NR1D2: variants seen among roughly 807,000 people sequenced by gnomAD.
The protein encoded by NR1D2 is nuclear receptor subfamily 1 group D member 2, also known as V-erbA-related protein 1-related.
A neutral mutation model predicts 52.2 loss-of-function variants in NR1D2; 25 were observed. The ratio of observed to expected loss-of-function variants is 0.48; its 90% CI spans 0.35 to 0.67. NR1D2 has a LOEUF of 0.67. Among genes scored for constraint, NR1D2 ranks in the 30% least tolerant of loss-of-function variants. The probability of loss-of-function intolerance (pLI) is 0.01; values close to 1 mark genes in which losing one functional copy is unlikely to be tolerated. For synonymous variants in NR1D2, 259 were observed against 230.1 expected (o/e 1.13, Z -1.14); for missense variants, 681 against 707.2 (o/e 0.96, Z 0.42).
At chr3:23,949,189 AC>A (rs1705859260) in intron 1 of NR1D2, among the ~76,000 whole-genome samples, 1 of 151,994 alleles carries the variant, frequency 6.6e-6, no homozygotes, top group Non-Finnish European at 1.5e-5. Flanking sequence ...AACATGTGAA[AC>A]CCTGTCTCTA....
chr3:23,974,088 C>CTTTTTTTTTTTT (rs60587118), intron 7 of NR1D2, among the ~76,000 whole-genome samples: 1 of 79,504 alleles, frequency 1.3e-5, no homozygotes, highest in Non-Finnish European at 2.2e-5. Flanking sequence ...TTACAGTTAC[C>CTTTTTTTTTTTT]TTTTTTTTTT....
At chr3:23,945,791 A>G (rs1475094061) in intron 1 of NR1D2, among the ~76,000 whole-genome samples, 197 bp downstream of exon 1, 1 of 150,188 alleles carries the variant, frequency 6.7e-6, no homozygotes, top group East Asian at 2.0e-4. Flanking sequence ...GTCTCCCTGC[A>G]AAGCCGCAGC....
At chr3:23,948,928 A>G (rs1705852071) in intron 1 of NR1D2, among the ~76,000 whole-genome samples, 1 of 152,210 alleles carries the variant, frequency 6.6e-6, no homozygotes, top group African/African-American at 2.4e-5. Context: ...TAGCTAGTGG[A>G]AAAGGATAGT....
intron 6 of NR1D2, among the ~76,000 whole-genome samples, chr3:23,967,487 A>T (rs867871851): frequency 4.7e-5 from 7 of 150,268 alleles, no homozygotes; most frequent in Middle Eastern, 3.4e-3. Context: ...GTGGTGGCGC[A>T]CACCTGTAAT....
Position 23,977,243 on chromosome 3 carries a change from G to A in NR1D2, c.1564G>A (p.Val522Ile), listed in dbSNP as rs769207208. The A allele has an allele frequency of 1.1e-5, 17 of 1,596,572 alleles. No individual in the cohort carries two copies. Among genetic ancestry groups the A allele is most frequent in the Non-Finnish European group, 1.4e-5 (17 of 1,173,186 alleles). The change falls in exon 8 of 8, where the codon GTC becomes ATC. Residue 522 changes from valine (V) to isoleucine (I), a missense_variant. This residue lies in a region of NR1D2 where 475 missense variants were observed against 454.5 expected (regional missense o/e 1.05). Transcript: ENST00000312521. ...CTTAGATCGATCTGGAATAGAAAAC[G>A]TCAACTCTGTGGAGGCTTTGCAGGA... Reference protein sequence around the residue: ...VSADRSGIENVNSVEALQETL... With the variant: ...VSADRSGIENINSVEALQETL...
chr3:23,952,374 G>A (rs1334147696), intron 1 of NR1D2, among the ~76,000 whole-genome samples: 2 of 151,992 alleles, frequency 1.3e-5, no homozygotes, highest in Admixed American at 6.6e-5. Context: ...TGATATTTTT[G>A]TCTTAAAAAT....
At position 23,962,434 on chromosome 3, in the gene NR1D2, G is replaced by T. The variant is rs773141753; in HGVS notation, c.975G>T (p.Arg325Ser). 6.2e-7 allele frequency: 1 copy of T among 1,614,134 alleles called. No individual in the cohort carries two copies. Among genetic ancestry groups the T allele is most frequent in the South Asian group, 1.1e-5 (1 of 91,064 alleles). ...ATCTCAATGGACAGTTCAAAGGGAG[G>T]AATATAATGCATTACCCAAATGGTC... is the stretch of plus-strand genomic sequence containing the variant. ...QQHLNGQFKG[R>S]NIMHYPNGHA... The change falls in exon 5 of 8, where the codon AGG becomes AGT. Residue 325 changes from arginine (R) to serine (S), a missense_variant. Arg to Ser is a moderately radical substitution (Grantham distance 110). This residue lies in a region of NR1D2 where 475 missense variants were observed against 454.5 expected (regional missense o/e 1.05). Transcript: ENST00000312521.
intron 7 of NR1D2, among the ~76,000 whole-genome samples, chr3:23,974,071 G>A (rs1706657637): frequency 7.1e-6 from 1 of 140,504 alleles, no homozygotes; most frequent in Admixed American, 7.2e-5. Flanking sequence ...ACCTGCCTGA[G>A]GCTGCTTTAC....
intron 1 of NR1D2, among the ~76,000 whole-genome samples, chr3:23,947,809 G>T (rs532568227): frequency 3.3e-5 from 5 of 152,232 alleles, no homozygotes; most frequent in Non-Finnish European, 7.4e-5. Flanking sequence ...CAGTAAGCAG[G>T]AGGTCTAATA....
chr3:23,945,698 G>T, intron 1 of NR1D2, 104 bp downstream of exon 1: 1 of 753,158 alleles, frequency 1.3e-6, no homozygotes, highest in South Asian at 6.3e-5. Context: ...TGGCCGGTGG[G>T]GCGGGGTGGG....
chr3:23,965,664 T>A (rs988931578), intron 6 of NR1D2, among the ~76,000 whole-genome samples: 3 of 151,908 alleles, frequency 2.0e-5, no homozygotes, highest in Non-Finnish European at 4.4e-5. Flanking sequence ...AAATCCAGAA[T>A]TGTTTAGGAT....
chr3:23,970,485 T>C, intron 7 of NR1D2, among the ~76,000 whole-genome samples: 1 of 152,228 alleles, frequency 6.6e-6, no homozygotes, highest in East Asian at 1.9e-4. Flanking sequence ...AAAAAGGTTA[T>C]AATATCACTA....
rs1706788945 is a variant in NR1D2 at position 23,978,244 on chromosome 3, GAATATAGTTA to G, written c.*832_*841del. ...TAGTACATGTACATAATATGTATGT[GAATATAGTTA>G]AATATATTTCTTCACAATATTTTAA... On this transcript the variant is annotated 3_prime_UTR_variant, in exon 8 of 8. Coordinates refer to ENST00000312521, the MANE Select transcript of NR1D2 (RefSeq NM_005126.5). 1 of 152,070 alleles carries G rather than the reference GAATATAGTTA, an allele frequency of 6.6e-6. No homozygotes were observed. Among genetic ancestry groups the G allele is most frequent in the Admixed American group, 6.6e-5 (1 of 15,252 alleles). 9.4% of individuals were successfully genotyped at this position (152,070 alleles called of 1,614,324 possible). A position where few individuals can be genotyped will look rare whatever the true frequency, so the allele number is the denominator to read the frequency against.
chr3:23,964,968 G>T lies in NR1D2; in HGVS notation c.1147-9G>T, dbSNP rs1273927462. 2 of 1,576,718 alleles carry T rather than the reference G, an allele frequency of 1.3e-6. No homozygotes were observed. The highest frequency in any genetic ancestry group is 4.5e-5 in the East Asian group (2 of 44,166). ...GTATTTAAGAGTTTTTCCGTTTTATGTATACTAGGTTTGTCCAATGAGTAA... is the reference window on the plus strand; with the variant it reads ...GTATTTAAGAGTTTTTCCGTTTTATTTATACTAGGTTTGTCCAATGAGTAA... On this transcript the variant is annotated splice_polypyrimidine_tract_variant and intron_variant, in intron 5 of 7. Transcript: ENST00000312521.
chr3:23,956,109 C>T lies in NR1D2; in HGVS notation c.356C>T (p.Ala119Val), dbSNP rs1431883490. The T allele has an allele frequency of 8.7e-6, 14 of 1,612,984 alleles. No individual in the cohort carries two copies. Among genetic ancestry groups the T allele is most frequent in the Non-Finnish European group, 1.2e-5 (14 of 1,179,168 alleles). The stretch of plus-strand genomic sequence containing the variant: ...TCAGGATTCCACTATGGAGTTCATG[C>T]TTGCGAAGGCTGTAAGGTAAAGCAT... ...VASGFHYGVH[A>V]CEGCKGFFRR... is the part of the protein sequence containing the mutation. Residue 119 changes from alanine to valine, a missense_variant, in exon 3 of 8, where the codon GCT becomes GTT. Ala to Val is a moderately conservative substitution (Grantham distance 64). Coordinates refer to ENST00000312521, the MANE Select transcript of NR1D2 (RefSeq NM_005126.5).
chr3:23,967,619 AAATAG>A (rs760728035), intron 6 of NR1D2, among the ~76,000 whole-genome samples, 189 bp from the exon 7 acceptor site: 5 of 152,158 alleles, frequency 3.3e-5, no homozygotes, highest in Non-Finnish European at 7.4e-5. Flanking sequence ...TCCATGTCAA[AAATAG>A]AATAGAATAG....
intron 1 of NR1D2, among the ~76,000 whole-genome samples, chr3:23,949,565 CAT>C (rs1705868603): frequency 1.3e-5 from 2 of 152,306 alleles, no homozygotes; most frequent in East Asian, 3.9e-4. Context: ...CTCCTAATAA[CAT>C]AGGTGTTTCC....
chr3:23,975,617 G>C (rs1464615178), intron 7 of NR1D2, among the ~76,000 whole-genome samples: 1 of 152,110 alleles, frequency 6.6e-6, no homozygotes, highest in Non-Finnish European at 1.5e-5. Context: ...AAATGAGCCA[G>C]GTGTGGTGGT....
chr3:23,954,742 T>C lies in NR1D2; in HGVS notation c.222T>C (p.Cys74=), dbSNP rs1470371875. 1 of 1,614,182 alleles carries C rather than the reference T, an allele frequency of 6.2e-7. No homozygotes were observed. The highest frequency in any genetic ancestry group is 2.2e-5 in the East Asian group (1 of 44,880). Residue 74 remains cysteine (C), a synonymous_variant, in exon 2 of 8, where the codon TGT becomes TGC. Transcript: ENST00000312521. ...TCTTGAAGAATGATCGAATAGATTG[T>C]TCTATGAAAACAAGCAAATCGAGTG... The part of the protein sequence containing the change: ...EGILKNDRID[C]SMKTSKSSAP...
Sources: allele counts gnomAD v4.1 joint callset (sites outside exome capture counted in the v4.1 genomes callset), GRCh38; gene constraint gnomAD v4.1.1; regional missense constraint gnomAD v4.1.1; transcripts MANE v1.5; gene names NCBI Gene and HGNC (gene_info 2026-07-23, HGNC 2026-07-21).